TTLL11: variants seen among roughly 807,000 people sequenced by gnomAD.
TTLL11 encodes the protein tubulin tyrosine ligase like 11.
Under a neutral mutation model 51.7 loss-of-function variants are expected in TTLL11, and 42 were observed. The ratio of observed to expected loss-of-function variants is 0.81; its 90% CI spans 0.64 to 1.05. The LOEUF is 1.05. Ranked by LOEUF, TTLL11 falls within the 50% of genes least tolerant of loss-of-function variation. The probability of loss-of-function intolerance (pLI) is 0.00; values close to 1 mark genes in which losing one functional copy is unlikely to be tolerated. For synonymous variants in TTLL11, 381 were observed against 383.5 expected (o/e 0.99, Z 0.08); for missense variants, 799 against 940.4 (o/e 0.85, Z 1.97).
At position 121,822,149 on chromosome 9, in the gene TTLL11, TAAAC is replaced by T. The variant is rs1318200481; in HGVS notation, c.*434_*437del. ...TTCTCTCGGAACGGGCGGCAGGAAA[TAAAC>T]ACGATGTTCTCAGGCTTTTCCCGGT... is the stretch of plus-strand genomic sequence containing the variant. On this transcript the variant is annotated 3_prime_UTR_variant, in exon 9 of 9. Coordinates refer to ENST00000321582, the MANE Select transcript of TTLL11 (RefSeq NM_001139442.2). The surrounding 1 kb of genome is among the most constrained non-coding windows in gnomAD (Gnocchi z 5.8). The T allele has an allele frequency of 1.3e-5, 2 of 152,994 alleles. No homozygotes were observed. Among genetic ancestry groups the T allele is most frequent in the East Asian group, 3.9e-4 (2 of 5,190 alleles). The allele number at this position is 152,994 out of a possible 1,614,324, so 9.5% of individuals were successfully genotyped here. A position where few individuals can be genotyped will look rare whatever the true frequency, so the allele number is the denominator to read the frequency against.
chr9:122,093,215 C>T lies in TTLL11; in HGVS notation c.-67G>A, dbSNP rs1021303177. The T allele has an allele frequency of 6.7e-7, 1 of 1,492,138 alleles. No individual in the cohort carries two copies. Among genetic ancestry groups the T allele is most frequent in the Non-Finnish European group, 8.8e-7 (1 of 1,130,592 alleles). The allele number at this position is 1,492,138 out of a possible 1,614,324, so 92.4% of individuals were successfully genotyped here. ...CCGCCGCCGCTCCGCCGCCCCAGTC[C>T]GCCACCAAACTGCCGCCGCTGCAGC... On this transcript the variant is annotated 5_prime_UTR_variant, in exon 1 of 9. Coordinates refer to ENST00000321582, the MANE Select transcript of TTLL11 (RefSeq NM_001139442.2).
chr9:122,034,090 T>C (rs554226089), intron 2 of TTLL11, among the ~76,000 whole-genome samples: 2 of 152,338 alleles, frequency 1.3e-5, no homozygotes, highest in East Asian at 1.9e-4. Context: ...CTAACTGTAA[T>C]ACAGCACCTT....
At chr9:122,055,061 A>T (rs575774091) in intron 1 of TTLL11, among the ~76,000 whole-genome samples, 41 of 152,126 alleles carry the variant, frequency 2.7e-4, no homozygotes, top group Non-Finnish European at 3.7e-4. Context: ...TTCAACACAT[A>T]AGCAAGTCAT....
At chr9:121,931,427 C>T (rs1840963343) in intron 6 of TTLL11, among the ~76,000 whole-genome samples, 1 of 151,922 alleles carries the variant, frequency 6.6e-6, no homozygotes, top group Non-Finnish European at 1.5e-5. Flanking sequence ...AACGTCTCAC[C>T]CCTGCCTTTC....
At chr9:122,051,455 G>C (rs1000401895) in intron 1 of TTLL11, among the ~76,000 whole-genome samples, 1 of 152,192 alleles carries the variant, frequency 6.6e-6, no homozygotes, top group Non-Finnish European at 1.5e-5. Flanking sequence ...TTGAAACCCA[G>C]TCATACCACA....
intron 6 of TTLL11, among the ~76,000 whole-genome samples, chr9:121,957,384 G>A (rs557676260): frequency 4.6e-5 from 7 of 152,148 alleles, no homozygotes; most frequent in South Asian, 4.2e-4. Context: ...ACATCTCCCC[G>A]CCCCCTCTTT....
intron 1 of TTLL11, among the ~76,000 whole-genome samples, chr9:122,044,032 C>T (rs535074094): frequency 1.5e-3 from 230 of 152,230 alleles, no homozygotes; most frequent in African/African-American, 5.1e-3. Flanking sequence ...CAACAGTCCC[C>T]GGTGTGTGAT....
chr9:122,055,923 A>C (rs1380111135), intron 1 of TTLL11, among the ~76,000 whole-genome samples: 1 of 152,248 alleles, frequency 6.6e-6, no homozygotes, highest in Non-Finnish European at 1.5e-5. Flanking sequence ...CTGAGCAGCG[A>C]GAAGCCAGGA....
chr9:121,949,399 AG>A (rs1165770965), intron 6 of TTLL11, among the ~76,000 whole-genome samples: 2 of 152,212 alleles, frequency 1.3e-5, no homozygotes, highest in African/African-American at 4.8e-5. Context: ...TCGTTGTCTT[AG>A]ACGGAATCCA....
At chr9:121,974,262 A>G (rs1842645724) in intron 5 of TTLL11, 138 bp from the exon 6 acceptor site, 1 of 519,730 alleles carries the variant, frequency 1.9e-6, no homozygotes, top group Non-Finnish European at 3.4e-6. Context: ...GACTTCCTTT[A>G]TACTACCTTA....
At position 121,943,682 on chromosome 9, in the gene TTLL11, C is replaced by T. The variant is rs778605504; in HGVS notation, c.1481+30327G>A. Among the ~76,000 whole-genome samples, 7 of 152,180 alleles carry T rather than the reference C, an allele frequency of 4.6e-5. No individual in the cohort carries two copies. In the South Asian group the frequency reaches 1.0e-3, roughly 23 times the overall value. ...TGTCTCTCCACTCTCCAGTGAGCAC[C>T]TCAAGAAAAACATGATGTCTCACTG... On this transcript the variant is annotated intron_variant, in intron 6 of 8. Coordinates refer to ENST00000321582, the MANE Select transcript of TTLL11 (RefSeq NM_001139442.2).
chr9:122,016,983 C>G (rs933364465), intron 3 of TTLL11, among the ~76,000 whole-genome samples: 4 of 152,176 alleles, frequency 2.6e-5, no homozygotes, highest in Admixed American at 1.3e-4. Flanking sequence ...CTCGCTTCCG[C>G]CTGGTGCCAC....
chr9:121,907,121 T>C (rs1466925927), intron 6 of TTLL11, among the ~76,000 whole-genome samples: 2 of 152,192 alleles, frequency 1.3e-5, no homozygotes, highest in African/African-American at 4.8e-5. Flanking sequence ...ATGCCCATGT[T>C]CGTCCTCCTT....
chr9:122,005,388 C>T lies in TTLL11; in HGVS notation c.694-15618G>A, dbSNP rs11999642. 7.2e-3 allele frequency among the ~76,000 whole-genome samples: 1,092 copies of T among 152,232 alleles called. 12 individuals are homozygous for T. Among genetic ancestry groups the T allele is most frequent in the African/African-American group, 0.024 (994 of 41,530 alleles). On this transcript the variant is annotated intron_variant, in intron 3 of 8. Coordinates refer to ENST00000321582, the MANE Select transcript of TTLL11 (RefSeq NM_001139442.2). ...CTGGGTCTCAGTTTCCTTATCTGTA[C>T]GATGGAGGCATCTGTATGAATAACC...
intron 1 of TTLL11, among the ~76,000 whole-genome samples, chr9:122,053,662 G>C (rs1845220667): frequency 6.6e-6 from 1 of 152,098 alleles, no homozygotes; most frequent in African/African-American, 2.4e-5. Context: ...GTGGGGACTG[G>C]GCCCAGAAAA....
At chr9:122,036,112 C>T (rs72767731) in intron 2 of TTLL11, among the ~76,000 whole-genome samples, 6,313 of 152,192 alleles carry the variant, frequency 0.041, 138 homozygotes, top group African/African-American at 0.068. Flanking sequence ...CCCGCCCTTG[C>T]TCCGGACCCC....
chr9:121,883,169 G>T (rs894137844), intron 6 of TTLL11, among the ~76,000 whole-genome samples: 7 of 152,296 alleles, frequency 4.6e-5, no homozygotes, highest in Middle Eastern at 3.4e-3. Flanking sequence ...AATTTATGGT[G>T]ATGAGAATAA....
intron 6 of TTLL11, among the ~76,000 whole-genome samples, chr9:121,964,299 TTG>T (rs370558334): frequency 8.6e-4 from 124 of 144,676 alleles, no homozygotes; most frequent in African/African-American, 3.1e-3. Flanking sequence ...TTTTTGTTTT[TTG>T]TTTTTTGTTT....
chr9:122,005,762 T>A (rs1843622775), intron 3 of TTLL11, among the ~76,000 whole-genome samples: 1 of 152,152 alleles, frequency 6.6e-6, no homozygotes, highest in African/African-American at 2.4e-5. Context: ...TCCAGAAGGA[T>A]CCATCCGTGT....
Sources: allele counts gnomAD v4.1 joint callset (sites outside exome capture counted in the v4.1 genomes callset), GRCh38; gene constraint gnomAD v4.1.1; non-coding constraint Gnocchi (gnomAD v3.1); transcripts MANE v1.5; gene names NCBI Gene and HGNC (gene_info 2026-07-23, HGNC 2026-07-21).